The following MYOM2 variants were observed in gnomAD, a reference collection of about 807,000 sequenced individuals.
MYOM2 encodes myomesin 2, also known as myomesin-2.
MYOM2 carries 254 observed loss-of-function variants against 187.6 expected under a neutral mutation model. That is an observed-to-expected ratio of 1.35 (90% confidence interval 1.22 to 1.50). MYOM2 has a LOEUF of 1.50. MYOM2 is among the 40% of genes most tolerant of loss of function. MYOM2 has a pLI of 0.00. For missense variants in MYOM2, 2,796 were observed against 1,924.0 expected (o/e 1.45, Z -8.48); for synonymous variants, 981 against 753.8 (o/e 1.30, Z -4.94).
chr8:2,090,094 A>C lies in MYOM2; in HGVS notation c.1731A>C (p.Glu577Asp). Residue 577 changes from glutamate to aspartate, a missense_variant, in exon 15 of 37, where the codon GAA (glutamate) becomes GAC (aspartate). Coordinates refer to ENST00000262113, the MANE Select transcript of MYOM2 (RefSeq NM_003970.4). ...SPRYAVFDLMEGKSYVFRVLS... is the reference protein window; with the variant it reads ...SPRYAVFDLMDGKSYVFRVLS... ...GATATGCCGTGTTTGACCTCATGGAAGGGAAGTCTTATGTGTTCCGAGTGC... is the reference window on the plus strand; with the variant it reads ...GATATGCCGTGTTTGACCTCATGGACGGGAAGTCTTATGTGTTCCGAGTGC... 6.2e-7 allele frequency: 1 copy of C among 1,614,004 alleles called. No homozygotes were observed.
Position 2,093,425 on chromosome 8 carries a change from A to T in MYOM2, c.2004-545A>T, listed in dbSNP as rs191106461. ...ACAAAGCATCTGTGCTAAGTTGTCC[A>T]CCTAGAGTTTTCCATGTAGTGCCTG... On this transcript the variant is annotated intron_variant, in intron 16 of 36. Transcript: ENST00000262113. 1.5e-4 allele frequency among the ~76,000 whole-genome samples: 23 copies of T among 152,354 alleles called. No individual in the cohort carries two copies. The East Asian group carries it at 1.7e-3, about 11-fold the overall frequency.
chr8:2,063,824 C>G (rs1172941670), intron 6 of MYOM2, among the ~76,000 whole-genome samples: 3 of 152,286 alleles, frequency 2.0e-5, no homozygotes, highest in Non-Finnish European at 4.4e-5. Context: ...CAAACAGATA[C>G]TCTGGGATGC....
rs554361386 is a variant in MYOM2, at chr8:2,143,473, C to A, written c.4080+17C>A. 6.2e-7 allele frequency: 1 copy of A among 1,614,016 alleles called. No homozygotes were observed. The highest frequency in any genetic ancestry group is 1.1e-5 in the South Asian group (1 of 91,076). On this transcript the variant is annotated intron_variant, in intron 36 of 36. Coordinates refer to ENST00000262113, the MANE Select transcript of MYOM2 (RefSeq NM_003970.4). ...GAAGGGAAGGTGAGGATTCTAAACTCGGCCGGGGTGGGGGTGTCAGCACGG... is the reference window on the plus strand; with the variant it reads ...GAAGGGAAGGTGAGGATTCTAAACTAGGCCGGGGTGGGGGTGTCAGCACGG...
intron 28 of MYOM2, among the ~76,000 whole-genome samples, chr8:2,118,174 G>A (rs1321668791): frequency 6.6e-6 from 1 of 152,164 alleles, no homozygotes; most frequent in East Asian, 1.9e-4. Flanking sequence ...TTACAGTGTA[G>A]TGGGATGCAA....
intron 1 of MYOM2, among the ~76,000 whole-genome samples, chr8:2,049,784 G>A (rs1818423813): frequency 6.6e-6 from 1 of 152,198 alleles, no homozygotes; most frequent in Non-Finnish European, 1.5e-5. Context: ...CACTCAGCAC[G>A]TTGGCATTTT....
At chr8:2,061,428 G>C (rs149582969) in intron 6 of MYOM2, among the ~76,000 whole-genome samples, 25 of 152,162 alleles carry the variant, frequency 1.6e-4, no homozygotes, top group African/African-American at 4.3e-4. Flanking sequence ...CTCCTGCCCT[G>C]TGCCCTCCCC....
chr8:2,057,312 A>T (rs371996383), intron 3 of MYOM2, 36 bp from the exon 4 acceptor site: 51 of 1,573,894 alleles, frequency 3.2e-5, no homozygotes, highest in South Asian at 6.9e-5. Context: ...TTTCTTCGTG[A>T]CTCCTGCAAC....
At chr8:2,081,924 C>T (rs548433349) in intron 13 of MYOM2, 1 of 152,376 alleles carries the variant, frequency 6.6e-6, no homozygotes, top group African/African-American at 2.4e-5. Context: ...TTCAGCAAGG[C>T]AGGTTTCTGG....
chr8:2,062,659 A>C (rs1818890316), intron 6 of MYOM2, among the ~76,000 whole-genome samples: 1 of 152,056 alleles, frequency 6.6e-6, no homozygotes, highest in African/African-American at 2.4e-5. Context: ...TGGGAGTTTT[A>C]ATAGACCGTA....
rs1411540634 is a variant in MYOM2 at position 2,142,395 on chromosome 8, A to G, written c.4022A>G (p.Lys1341Arg). 6.2e-7 allele frequency: 1 copy of G among 1,613,858 alleles called. No individual in the cohort carries two copies. The highest frequency in any genetic ancestry group is 1.7e-5 in the Admixed American group (1 of 60,030). Residue 1341 changes from lysine (K) to arginine (R), a missense_variant and splice_region_variant, in exon 35 of 37, where the codon AAG becomes AGG. Physicochemically the swap from Lys to Arg is conservative, Grantham distance 26 (BLOSUM62 2). Transcript: ENST00000262113. ...TTTAGAGCTGCTGCTTTTGCAGAGA[A>G]GAGTAAGTACCTGTTGGATTGTAAC... ...QQFKAAAFAE[K>R]NRGRLIGGLP...
At position 2,140,886 on chromosome 8, in the gene MYOM2, G is replaced by C; in HGVS notation, c.3964G>C (p.Ala1322Pro). ...ACGCTCCCTTGACCTGTCCGGACAA[G>C]GTAAGAGAATTCTTCTTTAGCATTT... is the stretch of plus-strand genomic sequence containing the variant. ...HQRSLDLSGQ[A>P]FDEAFAEFQQ... Residue 1322 changes from alanine (A) to proline (P), a missense_variant and splice_region_variant, in exon 33 of 37, where the codon GCT becomes CCT. Transcript: ENST00000262113. 1 of 1,601,938 alleles carries C rather than the reference G, an allele frequency of 6.2e-7. No homozygotes were observed. Among genetic ancestry groups the C allele is most frequent in the Non-Finnish European group, 8.5e-7 (1 of 1,173,392 alleles).
chr8:2,058,423 C>T (rs1315097691), intron 5 of MYOM2, among the ~76,000 whole-genome samples: 1 of 152,140 alleles, frequency 6.6e-6, no homozygotes, highest in Non-Finnish European at 1.5e-5. Context: ...GGAAAGTCTG[C>T]TTTTCAATAT....
At chr8:2,060,984 G>A (rs577585013) in intron 6 of MYOM2, among the ~76,000 whole-genome samples, 31 of 152,020 alleles carry the variant, frequency 2.0e-4, no homozygotes, top group Non-Finnish European at 2.1e-4. Flanking sequence ...GGTTCCGGCC[G>A]AGCCTCCCCA....
chr8:2,075,344 G>C (rs750369355), intron 10 of MYOM2, among the ~76,000 whole-genome samples: 54 of 152,144 alleles, frequency 3.5e-4, no homozygotes, highest in Middle Eastern at 3.2e-3. Context: ...TGCTCACTCA[G>C]CACCAGCAAC....
At position 2,100,123 on chromosome 8, in the gene MYOM2, TC is replaced by T. The variant is rs1796647689; in HGVS notation, c.2441-751del. On this transcript the variant is annotated intron_variant, in intron 19 of 36. Coordinates refer to ENST00000262113, the MANE Select transcript of MYOM2 (RefSeq NM_003970.4). Reference sequence around the variant, plus strand: ...TTCCTTCCTTCTTTCTTTCCTTCCTTCCTTCTTTCCTTCCTTCCTTCCTTCC... The same window carrying T: ...TTCCTTCCTTCTTTCTTTCCTTCCTTCTTCTTTCCTTCCTTCCTTCCTTCC... Among the ~76,000 whole-genome samples the T allele has an allele frequency of 9.9e-4, 82 of 82,938 alleles. No individual in the cohort carries two copies. In the East Asian group the frequency reaches 0.027, roughly 27 times the overall value. The allele number at this position is 82,938 out of a possible 152,430, so 54.4% of individuals were successfully genotyped here. A position where few individuals can be genotyped will look rare whatever the true frequency, so the allele number is the denominator to read the frequency against.
chr8:2,074,012 T>C (rs1235846864), intron 10 of MYOM2, among the ~76,000 whole-genome samples: 1 of 152,218 alleles, frequency 6.6e-6, no homozygotes, highest in Non-Finnish European at 1.5e-5. Context: ...CTTGTGGCCA[T>C]GACAGCTGTC....
At chr8:2,064,390 TG>T (rs775202942) in intron 6 of MYOM2, among the ~76,000 whole-genome samples, 17 of 152,154 alleles carry the variant, frequency 1.1e-4, no homozygotes, top group Non-Finnish European at 2.2e-4. Flanking sequence ...GTGCCCACCG[TG>T]GGGGTGACCG....
At position 2,140,734 on chromosome 8, in the gene MYOM2, T is replaced by C; in HGVS notation, c.3812T>C (p.Ile1271Thr). ...TTGCTCTTTTCAAGAGATGCTAAGA[T>C]CTCATCCAGTGAGCATATGAGAATC... is the stretch of plus-strand genomic sequence containing the variant. The part of the protein sequence containing the change: ...KVNWCHKDAK[I>T]SSSEHMRIGG... The change falls in exon 33 of 37, where the codon ATC (isoleucine) becomes ACC (threonine). Residue 1271 changes from isoleucine (I) to threonine (T), a missense_variant. Ile to Thr is a moderately conservative substitution (Grantham distance 89). Transcript: ENST00000262113. 2 of 1,613,884 alleles carry C rather than the reference T, an allele frequency of 1.2e-6. No individual in the cohort carries two copies. Among genetic ancestry groups the C allele is most frequent in the Non-Finnish European group, 1.7e-6 (2 of 1,179,908 alleles).
chr8:2,113,932 C>G (rs1797151573), intron 25 of MYOM2, among the ~76,000 whole-genome samples: 1 of 152,226 alleles, frequency 6.6e-6, no homozygotes, highest in African/African-American at 2.4e-5. Flanking sequence ...GCCATGCCTG[C>G]TCTCAGGGGC....
Sources: allele counts gnomAD v4.1 joint callset (sites outside exome capture counted in the v4.1 genomes callset), GRCh38; gene constraint gnomAD v4.1.1; transcripts MANE v1.5; gene names NCBI Gene and HGNC (gene_info 2026-07-23, HGNC 2026-07-21).